SEMA3B: variants seen among roughly 807,000 people sequenced by gnomAD.
The protein encoded by SEMA3B is semaphorin 3B, also known as semaphorin-3B.
In SEMA3B, 71 loss-of-function variants were observed where a neutral mutation model predicts 77.8. That is an observed-to-expected ratio of 0.91 (90% CI 0.75 to 1.11). The LOEUF is 1.11. Among genes scored for constraint, SEMA3B ranks in the 50% most tolerant of loss-of-function variants. The pLI, the probability that SEMA3B is intolerant of heterozygous loss-of-function variation, is 0.00. For synonymous variants in SEMA3B, 470 were observed against 452.9 expected, an observed-to-expected ratio of 1.04 and a Z score of -0.48; for missense variants, 968 against 1,056.8, an observed-to-expected ratio of 0.92 and a Z score of 1.17.
Position 50,276,565 on chromosome 3 carries a change from C to T in SEMA3B, c.2109C>T (p.Ser703=). The change falls in exon 17 of 17, where the codon AGC becomes AGT. Residue 703 remains serine, a synonymous_variant. Coordinates refer to ENST00000616701, the MANE Select transcript of SEMA3B (RefSeq NM_001290060.2). This position sits in a 1 kb window ranked among gnomAD's most constrained non-coding sequence, Gnocchi z 5.8. ...LQLVEPGGGG[S]ANSLRMCRPQ... ...TGGTGGAGCCGGGCGGAGGTGGCAG[C>T]GCGAACTCCCTGCGCATGTGCCGCC... 4.5e-6 allele frequency: 7 copies of T among 1,541,818 alleles called. No individual in the cohort carries two copies. The highest frequency in any genetic ancestry group is 2.0e-5 in the Admixed American group (1 of 51,144).
In SEMA3B at chr3:50,272,991, C is replaced by T. The variant is rs186719465; in HGVS notation, c.665-307C>T. Reference sequence around the variant, plus strand: ...TGAAACCAGATTACCTCATCTCCCTCCTACCCCAGCCTAAGGTGCTGGGCG... The same window carrying T: ...TGAAACCAGATTACCTCATCTCCCTTCTACCCCAGCCTAAGGTGCTGGGCG... On this transcript the variant is annotated intron_variant, in intron 6 of 16. Coordinates refer to ENST00000616701, the MANE Select transcript of SEMA3B (RefSeq NM_001290060.2). The T allele has an allele frequency of 1.1e-5, 4 of 362,682 alleles. No homozygotes were observed. The Admixed American group carries it at 1.8e-4, about 17-fold the overall frequency. The allele number at this position is 362,682 out of a possible 1,614,324, so 22.5% of individuals were successfully genotyped here.
Position 50,270,631 on chromosome 3 carries a change from T to C in SEMA3B, c.330+136T>C. The stretch of plus-strand genomic sequence containing the variant: ...GGTCGAGGTGGCTGAGGTCTGGGGG[T>C]GGTGAGTCAGGGTGGGGGCTCGTGT... On this transcript the variant is annotated intron_variant, in intron 3 of 16. Coordinates refer to ENST00000616701, the MANE Select transcript of SEMA3B (RefSeq NM_001290060.2). The surrounding 1 kb of genome is among the most constrained non-coding windows in gnomAD (Gnocchi z 4.7). 1.6e-6 allele frequency: 2 copies of C among 1,264,156 alleles called. No individual in the cohort carries two copies. Among genetic ancestry groups the C allele is most frequent in the Non-Finnish European group, 2.2e-6 (2 of 910,958 alleles). 78.3% of individuals were successfully genotyped at this position (1,264,156 alleles called of 1,614,324 possible).
At position 50,270,401 on chromosome 3, in the gene SEMA3B, C is replaced by T. The variant is rs782004359; in HGVS notation, c.268-32C>T. 5 of 1,613,564 alleles carry T rather than the reference C, an allele frequency of 3.1e-6. No individual in the cohort carries two copies. The highest frequency in any genetic ancestry group is 3.4e-6 in the Non-Finnish European group (4 of 1,179,762). On this transcript the variant is annotated intron_variant, in intron 2 of 16. Transcript: ENST00000616701. The surrounding 1 kb of genome is among the most constrained non-coding windows in gnomAD (Gnocchi z 4.7). The stretch of plus-strand genomic sequence containing the variant: ...GGTAGAGAATATCCCAAGTTCCTGA[C>T]CTGTGTCCCCTCTCCCCCAACCTCC...
chr3:50,273,807 A>G lies in SEMA3B; in HGVS notation c.971A>G (p.Tyr324Cys). 6.3e-7 allele frequency: 1 copy of G among 1,584,866 alleles called. No individual in the cohort carries two copies. The highest frequency in any genetic ancestry group is 8.6e-7 in the Non-Finnish European group (1 of 1,166,776). The change falls in exon 9 of 17, where the codon TAT (tyrosine) becomes TGT (cysteine). Residue 324 changes from tyrosine to cysteine, a missense_variant. Coordinates refer to ENST00000616701, the MANE Select transcript of SEMA3B (RefSeq NM_001290060.2). This position sits in a 1 kb window ranked among gnomAD's most constrained non-coding sequence, Gnocchi z 6.5. Reference sequence around the variant, plus strand: ...CGGGACCACCGGACCCCGCTGCTCTATGCCGTCTTCTCCACGTCCAGGTGA... The same window carrying G: ...CGGGACCACCGGACCCCGCTGCTCTGTGCCGTCTTCTCCACGTCCAGGTGA... The part of the protein sequence containing the change: ...SSRDHRTPLL[Y>C]AVFSTSSSIF...
chr3:50,275,942 C>T lies in SEMA3B; in HGVS notation c.1845+98C>T, dbSNP rs1701223828. ...CAACGAAGCCCCGTCCAACCAGACC[C>T]ACTCCCCGCCCTGTCCAGTTTGGTC... On this transcript the variant is annotated intron_variant, in intron 16 of 16. Transcript: ENST00000616701. The surrounding 1 kb of genome is among the most constrained non-coding windows in gnomAD (Gnocchi z 7.5). The T allele has an allele frequency of 7.0e-7, 1 of 1,419,620 alleles. No individual in the cohort carries two copies. 87.9% of individuals were successfully genotyped at this position (1,419,620 alleles called of 1,614,324 possible).
Position 50,274,677 on chromosome 3 carries a change from T to C in SEMA3B, c.1357+95T>C, listed in dbSNP as rs1553706167. The C allele has an allele frequency of 6.9e-7, 1 of 1,440,294 alleles. No homozygotes were observed. 89.2% of individuals were successfully genotyped at this position (1,440,294 alleles called of 1,614,324 possible). A position where few individuals can be genotyped will look rare whatever the true frequency, so the allele number is the denominator to read the frequency against. On this transcript the variant is annotated intron_variant, in intron 11 of 16. Transcript: ENST00000616701. This position sits in a 1 kb window ranked among gnomAD's most constrained non-coding sequence, Gnocchi z 4.7. ...CTGTTCAGTCCCATCTCCACATCCT[T>C]TCCTGGGCTGTGTCTCCACCCTGTG...
At position 50,276,243 on chromosome 3, in the gene SEMA3B, G is replaced by T; in HGVS notation, c.1846-59G>T. 1 of 1,430,224 alleles carries T rather than the reference G, an allele frequency of 7.0e-7. No homozygotes were observed. The highest frequency in any genetic ancestry group is 1.5e-5 in the South Asian group (1 of 68,374). 88.6% of individuals were successfully genotyped at this position (1,430,224 alleles called of 1,614,324 possible). A position where few individuals can be genotyped will look rare whatever the true frequency, so the allele number is the denominator to read the frequency against. The stretch of plus-strand genomic sequence containing the variant: ...CTTTGCTTCTTCCGTCGCGTGCTAG[G>T]GCCCGGAAGCCCTGTTCCCGGCCCG... On this transcript the variant is annotated intron_variant, in intron 16 of 16. Coordinates refer to ENST00000616701, the MANE Select transcript of SEMA3B (RefSeq NM_001290060.2). This position sits in a 1 kb window ranked among gnomAD's most constrained non-coding sequence, Gnocchi z 5.8.
In SEMA3B at chr3:50,276,680, G is replaced by A. The variant is rs1553706919; in HGVS notation, c.2224G>A (p.Gly742Arg). The change falls in exon 17 of 17, where the codon GGG becomes AGG. Residue 742 changes from glycine (G) to arginine (R), a missense_variant. Transcript: ENST00000616701. The surrounding 1 kb of genome is among the most constrained non-coding windows in gnomAD (Gnocchi z 5.8). ...THAPEPRAERGPRSATHW is the reference protein window; with the variant it reads ...THAPEPRAERRPRSATHW ...CGCCCCTGAGCCTCGCGCTGAGCGG[G>A]GGCCGCGCAGCGCAACGCACTGGTG... 1.3e-6 allele frequency: 2 copies of A among 1,554,764 alleles called. No individual in the cohort carries two copies. Among genetic ancestry groups the A allele is most frequent in the Admixed American group, 1.9e-5 (1 of 52,346 alleles).
Position 50,271,349 on chromosome 3 carries a change from C to G in SEMA3B, c.545-12C>G. 6.4e-7 allele frequency: 1 copy of G among 1,565,024 alleles called. No homozygotes were observed. The highest frequency in any genetic ancestry group is 8.7e-7 in the Non-Finnish European group (1 of 1,154,766). On this transcript the variant is annotated splice_polypyrimidine_tract_variant and intron_variant, in intron 5 of 16. Coordinates refer to ENST00000616701, the MANE Select transcript of SEMA3B (RefSeq NM_001290060.2). ...CCTCCATTTGCCTGAGTGGCCCTTG[C>G]TCTGTCTGCAGGGGAGGAGCTATAC...
At position 50,273,711 on chromosome 3, in the gene SEMA3B, C is replaced by T; in HGVS notation, c.923-48C>T. On this transcript the variant is annotated intron_variant, in intron 8 of 16. Transcript: ENST00000616701. This position sits in a 1 kb window ranked among gnomAD's most constrained non-coding sequence, Gnocchi z 6.5. ...GCGGCGCAGACTCCGGGAGCCCCCG[C>T]CGCAGCGGGGCTGTGCGCCCTACCC... 1 of 1,603,402 alleles carries T rather than the reference C, an allele frequency of 6.2e-7. No homozygotes were observed. Among genetic ancestry groups the T allele is most frequent in the Non-Finnish European group, 8.5e-7 (1 of 1,178,278 alleles).
Position 50,274,800 on chromosome 3 carries a change from G to T in SEMA3B, c.1358-43G>T. 1 of 1,593,936 alleles carries T rather than the reference G, an allele frequency of 6.3e-7. No homozygotes were observed. The highest frequency in any genetic ancestry group is 8.6e-7 in the Non-Finnish European group (1 of 1,168,748). The stretch of plus-strand genomic sequence containing the variant: ...AGGCGAGGAGACACTAGCCCCAGCT[G>T]TCCGGGAGCACCAATGGTCATTACC... On this transcript the variant is annotated intron_variant, in intron 11 of 16. Transcript: ENST00000616701. This position sits in a 1 kb window ranked among gnomAD's most constrained non-coding sequence, Gnocchi z 4.7.
At position 50,274,720 on chromosome 3, in the gene SEMA3B, A is replaced by G. The variant is rs1162638119; in HGVS notation, c.1358-123A>G. 7.2e-7 allele frequency: 1 copy of G among 1,386,858 alleles called. No individual in the cohort carries two copies. Among genetic ancestry groups the G allele is most frequent in the East Asian group, 2.4e-5 (1 of 41,430 alleles). The allele number at this position is 1,386,858 out of a possible 1,614,324, so 85.9% of individuals were successfully genotyped here. A position where few individuals can be genotyped will look rare whatever the true frequency, so the allele number is the denominator to read the frequency against. On this transcript the variant is annotated intron_variant, in intron 11 of 16. Coordinates refer to ENST00000616701, the MANE Select transcript of SEMA3B (RefSeq NM_001290060.2). This position sits in a 1 kb window ranked among gnomAD's most constrained non-coding sequence, Gnocchi z 4.7. ...ACCCTGTGGATGCTGCCCAACCCAC[A>G]CTCTTCCAGTCCACACTCTTCACAA...
At chr3:50,272,879 T>TAATAATAATAAAAAA in intron 6 of SEMA3B, among the ~76,000 whole-genome samples, 1 of 150,032 alleles carries the variant, frequency 6.7e-6, no homozygotes, top group East Asian at 2.0e-4. Flanking sequence ...ATAATAATAA[T>TAATAATAATAAAAAA]AAAGAGCAAT....
chr3:50,272,708 C>A (rs1701084672), intron 6 of SEMA3B, among the ~76,000 whole-genome samples: 2 of 140,368 alleles, frequency 1.4e-5, no homozygotes, highest in Non-Finnish European at 1.5e-5. Flanking sequence ...GAGACTTCGT[C>A]TCAAAAAAAA....
chr3:50,270,648 G>A lies in SEMA3B; in HGVS notation c.330+153G>A. On this transcript the variant is annotated intron_variant, in intron 3 of 16. Coordinates refer to ENST00000616701, the MANE Select transcript of SEMA3B (RefSeq NM_001290060.2). The surrounding 1 kb of genome is among the most constrained non-coding windows in gnomAD (Gnocchi z 4.7). The stretch of plus-strand genomic sequence containing the variant: ...TCTGGGGGTGGTGAGTCAGGGTGGG[G>A]GCTCGTGTAATTCTTCTGGGGTGCC... 1 of 1,174,532 alleles carries A rather than the reference G, an allele frequency of 8.5e-7. No individual in the cohort carries two copies. The highest frequency in any genetic ancestry group is 1.2e-6 in the Non-Finnish European group (1 of 841,062). 72.8% of individuals were successfully genotyped at this position (1,174,532 alleles called of 1,614,324 possible).
rs1263936195 is a variant in SEMA3B at position 50,274,167 on chromosome 3, G to A, written c.1137+110G>A. 6.6e-7 allele frequency: 1 copy of A among 1,513,096 alleles called. No homozygotes were observed. The highest frequency in any genetic ancestry group is 8.9e-7 in the Non-Finnish European group (1 of 1,119,858). 93.7% of individuals were successfully genotyped at this position (1,513,096 alleles called of 1,614,324 possible). ...TGGTTTCTTCCTTTAGTTATGGGTG[G>A]GAAAACGTTTCCATCATAAGACAAG... On this transcript the variant is annotated intron_variant, in intron 10 of 16. Coordinates refer to ENST00000616701, the MANE Select transcript of SEMA3B (RefSeq NM_001290060.2). The surrounding 1 kb of genome is among the most constrained non-coding windows in gnomAD (Gnocchi z 4.7).
In SEMA3B at chr3:50,276,502, G is replaced by T; in HGVS notation, c.2046G>T (p.Pro682=). ...CCGAGGAGGCTGCGCCCGCCGCGCC[G>T]CCGGGCCCCAAACTCTGGTACCGGG... ...ARAEEAAPAA[P]PGPKLWYRDF... Residue 682 remains proline, a synonymous_variant, in exon 17 of 17, where the codon CCG becomes CCT. Transcript: ENST00000616701. The surrounding 1 kb of genome is among the most constrained non-coding windows in gnomAD (Gnocchi z 5.8). 1 of 1,531,454 alleles carries T rather than the reference G, an allele frequency of 6.5e-7. No homozygotes were observed. The highest frequency in any genetic ancestry group is 8.7e-7 in the Non-Finnish European group (1 of 1,143,822). The allele number at this position is 1,531,454 out of a possible 1,614,324, so 94.9% of individuals were successfully genotyped here. A position where few individuals can be genotyped will look rare whatever the true frequency, so the allele number is the denominator to read the frequency against.
In SEMA3B at chr3:50,274,661, C is replaced by A; in HGVS notation, c.1357+79C>A. 1 of 1,467,958 alleles carries A rather than the reference C, an allele frequency of 6.8e-7. No homozygotes were observed. The highest frequency in any genetic ancestry group is 9.2e-7 in the Non-Finnish European group (1 of 1,081,560). 90.9% of individuals were successfully genotyped at this position (1,467,958 alleles called of 1,614,324 possible). Reference sequence around the variant, plus strand: ...CTGATGGAAGCTCTCCCTGTTCAGTCCCATCTCCACATCCTTTCCTGGGCT... The same window carrying A: ...CTGATGGAAGCTCTCCCTGTTCAGTACCATCTCCACATCCTTTCCTGGGCT... On this transcript the variant is annotated intron_variant, in intron 11 of 16. Transcript: ENST00000616701. This position sits in a 1 kb window ranked among gnomAD's most constrained non-coding sequence, Gnocchi z 4.7.
rs1418578492 is a variant in SEMA3B, at chr3:50,276,422, C to G, written c.1966C>G (p.Arg656Gly). 1.2e-5 allele frequency: 19 copies of G among 1,536,366 alleles called. No homozygotes were observed. Among genetic ancestry groups the G allele is most frequent in the Non-Finnish European group, 1.7e-5 (19 of 1,145,812 alleles). The change falls in exon 17 of 17, where the codon CGT becomes GGT. Residue 656 changes from arginine (R) to glycine (G), a missense_variant. Arg to Gly is a moderately radical substitution (Grantham distance 125, BLOSUM62 -2). Transcript: ENST00000616701. This position sits in a 1 kb window ranked among gnomAD's most constrained non-coding sequence, Gnocchi z 5.8. Reference sequence around the variant, plus strand: ...CGAGCAGGGCTTTACGCAACCGCTGCGTCGCCTGTCGCTGCACGTGTTGAG... The same window carrying G: ...CGAGCAGGGCTTTACGCAACCGCTGGGTCGCCTGTCGCTGCACGTGTTGAG... ...AVEQGFTQPL[R>G]RLSLHVLSAT...
Sources: gnomAD v4.1 joint callset for allele counts (sites outside exome capture counted in the v4.1 genomes callset) on GRCh38, gnomAD v4.1.1 for gene constraint, Gnocchi (gnomAD v3.1) non-coding constraint, MANE v1.5 for transcripts, NCBI Gene and HGNC (gene_info 2026-07-23, HGNC 2026-07-21) for gene names.